Variants in MACROD2 observed in about 807,000 individuals in gnomAD.
The protein encoded by MACROD2 is mono-ADP ribosylhydrolase 2.
In MACROD2, 36 loss-of-function variants were observed where a neutral mutation model predicts 70.4. The observed-to-expected ratio is 0.51, with a 90% confidence interval of 0.39 to 0.68. The LOEUF (loss-of-function observed/expected upper bound fraction) is 0.68. Among genes scored for constraint, MACROD2 ranks in the 30% least tolerant of loss-of-function variants. The pLI, the probability that MACROD2 is intolerant of heterozygous loss-of-function variation, is 0.00. For synonymous variants in MACROD2, 172 were observed against 178.8 expected, an observed-to-expected ratio of 0.96 and a Z score of 0.30; for missense variants, 496 against 538.4, an observed-to-expected ratio of 0.92 and a Z score of 0.78.
intron 3 of MACROD2, among the ~76,000 whole-genome samples, chr20:14,151,636 A>G (rs893654840): frequency 6.6e-6 from 1 of 152,058 alleles, no homozygotes. Context: ...ATTGTAACCA[A>G]TTTTATGGTA....
intron 3 of MACROD2, among the ~76,000 whole-genome samples, chr20:14,218,116 T>C (rs1326731306): frequency 6.6e-6 from 1 of 152,228 alleles, no homozygotes; most frequent in East Asian, 1.9e-4. Flanking sequence ...CAGTGGAATA[T>C]TGAAGTCCCC....
At chr20:15,047,872 A>G (rs1391969762) in intron 5 of MACROD2, among the ~76,000 whole-genome samples, 1 of 152,198 alleles carries the variant, frequency 6.6e-6, no homozygotes, top group Non-Finnish European at 1.5e-5. Flanking sequence ...TGATCTTCAC[A>G]GTGGCTATTC....
At chr20:14,240,240 G>A (rs192154972) in intron 3 of MACROD2, among the ~76,000 whole-genome samples, 1 of 152,222 alleles carries the variant, frequency 6.6e-6, no homozygotes, top group East Asian at 1.9e-4. Context: ...GCTACTGGTG[G>A]GAATGTAAAT....
At chr20:14,644,982 T>C (rs890713089) in intron 4 of MACROD2, among the ~76,000 whole-genome samples, 2 of 152,164 alleles carry the variant, frequency 1.3e-5, no homozygotes, top group Non-Finnish European at 2.9e-5. Context: ...TTTACACTTA[T>C]GGATTGAACA....
At chr20:15,942,840 T>G (rs949266628) in intron 12 of MACROD2, among the ~76,000 whole-genome samples, 2 of 152,232 alleles carry the variant, frequency 1.3e-5, no homozygotes, top group Admixed American at 6.5e-5. Flanking sequence ...TAAACTCGTC[T>G]TAATCCACCT....
rs151062941 is a variant in MACROD2 at position 15,378,136 on chromosome 20, A to G, written c.541-53269A>G. Among the ~76,000 whole-genome samples, 254 of 145,358 alleles carry G rather than the reference A, an allele frequency of 1.7e-3. 1 individual carries two copies. Among genetic ancestry groups the G allele is most frequent in the African/African-American group, 6.5e-3 (236 of 36,528 alleles). ...GCATATGTATCCCAGAACTTAAGCT[A>G]TAAGAAAAAAATAAAAGAAGAGAGA... On this transcript the variant is annotated intron_variant, in intron 6 of 17. Coordinates refer to ENST00000684519, the MANE Select transcript of MACROD2 (RefSeq NM_001351661.2).
intron 8 of MACROD2, among the ~76,000 whole-genome samples, chr20:15,821,739 C>G (rs978940935): frequency 1.3e-5 from 2 of 152,028 alleles, no homozygotes; most frequent in Admixed American, 1.3e-4. Flanking sequence ...TATAAGTACT[C>G]TAGGGATGAT....
chr20:14,929,100 G>A (rs537553224), intron 5 of MACROD2, among the ~76,000 whole-genome samples: 6 of 152,138 alleles, frequency 3.9e-5, no homozygotes, highest in Middle Eastern at 3.4e-3. Context: ...CTCTCATAAC[G>A]CTTCTGACAC....
At chr20:15,196,321 CAAG>C (rs2076606409) in intron 5 of MACROD2, among the ~76,000 whole-genome samples, 1 of 149,982 alleles carries the variant, frequency 6.7e-6, no homozygotes, top group African/African-American at 2.5e-5. Context: ...ACAAATATAA[CAAG>C]AACATACAAC....
chr20:15,682,991 A>T lies in MACROD2; in HGVS notation c.646-179754A>T, dbSNP rs1227410956. Among the ~76,000 whole-genome samples the T allele has an allele frequency of 2.0e-5, 3 of 152,116 alleles. 1 individual carries two copies. Among genetic ancestry groups the T allele is most frequent in the East Asian group, 3.9e-4 (2 of 5,188 alleles). On this transcript the variant is annotated intron_variant, in intron 8 of 17. Transcript: ENST00000684519. ...TATTAAATATTTCCTGCTAAAAATGACCCCAGGAGATAGTAGTTAACCTAC... is the reference window on the plus strand; with the variant it reads ...TATTAAATATTTCCTGCTAAAAATGTCCCCAGGAGATAGTAGTTAACCTAC...
intron 5 of MACROD2, among the ~76,000 whole-genome samples, chr20:14,941,071 C>T (rs1412452081): frequency 6.6e-6 from 1 of 152,016 alleles, no homozygotes; most frequent in African/African-American, 2.4e-5. Flanking sequence ...TCTCATTACT[C>T]ATTATTAGTT....
intron 8 of MACROD2, among the ~76,000 whole-genome samples, chr20:15,849,588 G>A (rs1022249434): frequency 6.6e-6 from 1 of 152,262 alleles, no homozygotes; most frequent in African/African-American, 2.4e-5. Context: ...AAGTCAAGAT[G>A]TGTTGGCTTT....
At chr20:15,511,150 G>A (rs1465804505) in intron 8 of MACROD2, among the ~76,000 whole-genome samples, 1 of 152,236 alleles carries the variant, frequency 6.6e-6, no homozygotes, top group East Asian at 1.9e-4. Flanking sequence ...ACCAGGGCAA[G>A]TGATGGCCAG....
chr20:15,090,492 T>A (rs921581199), intron 5 of MACROD2, among the ~76,000 whole-genome samples: 17 of 152,104 alleles, frequency 1.1e-4, no homozygotes, highest in African/African-American at 4.1e-4. Context: ...AAATCTAATT[T>A]CATGCAATTG....
intron 3 of MACROD2, among the ~76,000 whole-genome samples, chr20:14,427,290 C>T (rs1037795064): frequency 2.6e-5 from 4 of 151,846 alleles, no homozygotes; most frequent in Admixed American, 6.6e-5. Context: ...ATATTTTTGG[C>T]CTTTGAATTA....
rs534031937 is a variant in MACROD2 at position 14,116,109 on chromosome 20, G to T, written c.271+30381G>T. ...GACAGCAATGATAGATTTTGACCCT[G>T]TTGTAACTGGTATACTTGAGGTAGG... is the stretch of plus-strand genomic sequence containing the variant. On this transcript the variant is annotated intron_variant, in intron 3 of 17. Coordinates refer to ENST00000684519, the MANE Select transcript of MACROD2 (RefSeq NM_001351661.2). Among the ~76,000 whole-genome samples the T allele has an allele frequency of 2.6e-5, 4 of 152,134 alleles. No individual in the cohort carries two copies. In the South Asian group the frequency reaches 8.3e-4, roughly 32 times the overall value.
At chr20:13,999,969 G>C (rs1371648129) in intron 1 of MACROD2, among the ~76,000 whole-genome samples, 1 of 152,062 alleles carries the variant, frequency 6.6e-6, no homozygotes, top group Non-Finnish European at 1.5e-5. Flanking sequence ...AGCTGATATC[G>C]CGCTACTGCA....
chr20:14,969,811 T>C (rs2074674022), intron 5 of MACROD2, among the ~76,000 whole-genome samples: 1 of 152,126 alleles, frequency 6.6e-6, no homozygotes. Flanking sequence ...CCTCCAAGAA[T>C]GAAATGATAC....
intron 5 of MACROD2, among the ~76,000 whole-genome samples, chr20:14,889,904 G>T (rs1257684057): frequency 3.3e-5 from 5 of 152,128 alleles, no homozygotes; most frequent in Non-Finnish European, 7.4e-5. Flanking sequence ...GGATGACATG[G>T]CATAGCAAGG....
Sources: gnomAD v4.1 joint callset for allele counts (sites outside exome capture counted in the v4.1 genomes callset) on GRCh38, gnomAD v4.1.1 for gene constraint, MANE v1.5 for transcripts, NCBI Gene and HGNC (gene_info 2026-07-23, HGNC 2026-07-21) for gene names.